The following UBA5 variants were observed in gnomAD, a reference collection of about 807,000 sequenced individuals.
UBA5 encodes ubiquitin like modifier activating enzyme 5, also known as ubiquitin-like modifier-activating enzyme 5.
In UBA5, 28 loss-of-function variants were observed where a neutral mutation model predicts 52.9. The observed-to-expected ratio is 0.53, with a 90% CI of 0.39 to 0.73. The LOEUF (loss-of-function observed/expected upper bound fraction) is 0.73, where lower values mean the gene tolerates loss of function less well. Among genes scored for constraint, UBA5 ranks in the 30% least tolerant of loss-of-function variants. The probability of loss-of-function intolerance (pLI) is 0.00; values close to 1 mark genes in which losing one functional copy is unlikely to be tolerated. For missense variants in UBA5, 388 were observed against 492.7 expected, an observed-to-expected ratio of 0.79 and a Z score of 2.01; for synonymous variants, 135 against 162.1, an observed-to-expected ratio of 0.83 and a Z score of 1.27.
At chr3:132,664,378 GAA>G (rs1185461087) in intron 1 of UBA5, among the ~76,000 whole-genome samples, 1 of 152,172 alleles carries the variant, frequency 6.6e-6, no homozygotes, top group Non-Finnish European at 1.5e-5. Context: ...TTTTTATAAA[GAA>G]TATAATTTTG....
chr3:132,673,232 C>T (rs1049519464), intron 8 of UBA5, among the ~76,000 whole-genome samples: 5 of 152,126 alleles, frequency 3.3e-5, no homozygotes, highest in Non-Finnish European at 5.9e-5. Flanking sequence ...AAGGATGTGT[C>T]CTATTTAGCT....
In UBA5 at chr3:132,660,774, C is replaced by T. The variant is rs1938118061; in HGVS notation, c.161+76C>T. 7 of 1,453,564 alleles carry T rather than the reference C, an allele frequency of 4.8e-6. No individual in the cohort carries two copies. The highest frequency in any genetic ancestry group is 5.5e-6 in the Non-Finnish European group (6 of 1,100,092). 90.0% of individuals were successfully genotyped at this position (1,453,564 alleles called of 1,614,324 possible). On this transcript the variant is annotated intron_variant, in intron 1 of 11. Coordinates refer to ENST00000356232, the MANE Select transcript of UBA5 (RefSeq NM_024818.6). The surrounding 1 kb of genome is among the most constrained non-coding windows in gnomAD (Gnocchi z 4.1). Reference sequence around the variant, plus strand: ...CGTGAGGTCAGAAGTGAGGCGCTTCCCACGTCCCGCTCATGGGGACGCCCG... The same window carrying T: ...CGTGAGGTCAGAAGTGAGGCGCTTCTCACGTCCCGCTCATGGGGACGCCCG...
upstream of UBA5, chr3:132,659,533 C>A (rs1576634448): frequency 2.5e-6 from 4 of 1,599,140 alleles, no homozygotes; most frequent in Non-Finnish European, 3.4e-6. Context: ...AGGAAACCAC[C>A]CAGGGCCAAA....
Position 132,679,742 on chromosome 3 carries a change from G to T in UBA5, c.*3216G>T, listed in dbSNP as rs7340563. ...ACACATTACTTGCTATGTATTAAAT[G>T]ACTTGTACCACTAAATAATCAAATT... On this transcript the variant is annotated 3_prime_UTR_variant, in exon 12 of 12. Coordinates refer to ENST00000356232, the MANE Select transcript of UBA5 (RefSeq NM_024818.6). Among the ~76,000 whole-genome samples, 61,092 of 151,944 alleles carry T rather than the reference G, an allele frequency of 0.4. 14,839 individuals carry two copies. The highest frequency in any genetic ancestry group is 0.76 in the East Asian group (3,917 of 5,172).
intron 1 of UBA5, 72 bp from the exon 2 acceptor site, chr3:132,665,750 TG>T: frequency 7.3e-7 from 1 of 1,365,460 alleles, no homozygotes; most frequent in Non-Finnish European, 1.0e-6. Flanking sequence ...TTTTCTGTGA[TG>T]ATGTATGTCT....
At position 132,673,801 on chromosome 3, in the gene UBA5, A is replaced by C. The variant is rs140554254; in HGVS notation, c.813-1447A>C. Among the ~76,000 whole-genome samples, 182 of 152,086 alleles carry C rather than the reference A, an allele frequency of 1.2e-3. 1 individual carries two copies. The highest frequency in any genetic ancestry group is 3.8e-3 in the African/African-American group (156 of 41,472). On this transcript the variant is annotated intron_variant, in intron 8 of 11. Coordinates refer to ENST00000356232, the MANE Select transcript of UBA5 (RefSeq NM_024818.6). ...TACCTCAGCCTCCCAGGTAGCTGTG[A>C]CTACAAGCACCCACCACCACGCCCA...
At chr3:132,670,919 T>C (rs781315472) in intron 5 of UBA5, 46 bp from the exon 6 acceptor site, 5 of 1,339,752 alleles carry the variant, frequency 3.7e-6, no homozygotes, top group Non-Finnish European at 5.4e-6. Flanking sequence ...TGTATTAGAG[T>C]GTATTTTGTG....
At chr3:132,673,925 A>G (rs1197187092) in intron 8 of UBA5, among the ~76,000 whole-genome samples, 1 of 152,126 alleles carries the variant, frequency 6.6e-6, no homozygotes. Flanking sequence ...TCGACCTTCT[A>G]AAGTGCTAGG....
chr3:132,664,874 A>G (rs531832086), intron 1 of UBA5, among the ~76,000 whole-genome samples: 1 of 152,304 alleles, frequency 6.6e-6, no homozygotes, highest in East Asian at 1.9e-4. Flanking sequence ...CCTCATGAAT[A>G]TGAATGTATC....
At position 132,660,404 on chromosome 3, in the gene UBA5, C is replaced by T; in HGVS notation, c.-134C>T. The T allele has an allele frequency of 8.4e-7, 1 of 1,185,164 alleles. No homozygotes were observed. The highest frequency in any genetic ancestry group is 1.5e-5 in the South Asian group (1 of 68,408). The allele number at this position is 1,185,164 out of a possible 1,614,324, so 73.4% of individuals were successfully genotyped here. On this transcript the variant is annotated 5_prime_UTR_variant, in exon 1 of 12. Transcript: ENST00000356232. This position sits in a 1 kb window ranked among gnomAD's most constrained non-coding sequence, Gnocchi z 4.1. ...TGTCTGTGAGGCGCTGGGTGCACGT[C>T]CCCAGGGCTCTGGGCTAGGAAGGCA... is the stretch of plus-strand genomic sequence containing the variant.
At chr3:132,674,166 G>T (rs144717038) in intron 8 of UBA5, among the ~76,000 whole-genome samples, 84 of 152,174 alleles carry the variant, frequency 5.5e-4, no homozygotes, top group African/African-American at 1.9e-3. Flanking sequence ...CTTTTTATTT[G>T]TGAAAAAGGT....
At chr3:132,667,562 A>G (rs1051743224) in intron 3 of UBA5, 1 of 152,230 alleles carries the variant, frequency 6.6e-6, no homozygotes, top group African/African-American at 2.4e-5. Flanking sequence ...TACGAAGTGA[A>G]TTAATGAGGT....
intron 5 of UBA5, 60 bp from the exon 6 acceptor site, chr3:132,670,905 A>C: frequency 8.4e-7 from 1 of 1,191,780 alleles, no homozygotes; most frequent in Non-Finnish European, 1.3e-6. Flanking sequence ...ACAAGTAAGT[A>C]TAATGTATTA....
At chr3:132,675,416 T>A (rs1442841308) in intron 9 of UBA5, 33 bp downstream of exon 9, 1 of 1,607,598 alleles carries the variant, frequency 6.2e-7, no homozygotes, top group South Asian at 1.1e-5. Flanking sequence ...GCATGAGGGA[T>A]CATATTGAAT....
chr3:132,675,588 C>T lies in UBA5; in HGVS notation c.949-17C>T. 6.2e-7 allele frequency: 1 copy of T among 1,603,528 alleles called. No individual in the cohort carries two copies. The highest frequency in any genetic ancestry group is 8.5e-7 in the Non-Finnish European group (1 of 1,174,302). On this transcript the variant is annotated splice_polypyrimidine_tract_variant and intron_variant, in intron 9 of 11. Coordinates refer to ENST00000356232, the MANE Select transcript of UBA5 (RefSeq NM_024818.6). The stretch of plus-strand genomic sequence containing the variant: ...GAGAATGAGTAAGAACACTTTGATG[C>T]TGTTTGATTTCTACAGAAAAAGGTA...
At chr3:132,675,582 T>C (rs774231185) in intron 9 of UBA5, 23 bp from the exon 10 acceptor site, 3 of 1,601,372 alleles carry the variant, frequency 1.9e-6, no homozygotes, top group Middle Eastern at 1.7e-4. Context: ...TAAGAACACT[T>C]TGATGCTGTT....
chr3:132,672,560 C>T (rs1374873027), intron 8 of UBA5, among the ~76,000 whole-genome samples: 1 of 152,060 alleles, frequency 6.6e-6, no homozygotes. Flanking sequence ...TGGATGGAGA[C>T]TTAAACACAC....
intron 3 of UBA5, 24 bp downstream of exon 3, chr3:132,666,097 T>A: frequency 6.2e-7 from 1 of 1,600,852 alleles, no homozygotes; most frequent in Non-Finnish European, 8.6e-7. Flanking sequence ...TCTTTGCCTG[T>A]CATATAGGGA....
chr3:132,674,457 G>A (rs1032130309), intron 8 of UBA5, among the ~76,000 whole-genome samples: 7 of 152,212 alleles, frequency 4.6e-5, no homozygotes, highest in Non-Finnish European at 7.3e-5. Context: ...GGAGGCCAAG[G>A]CAGGCGGATT....
Sources: gnomAD v4.1 joint callset for allele counts (sites outside exome capture counted in the v4.1 genomes callset) on GRCh38, gnomAD v4.1.1 for gene constraint, Gnocchi (gnomAD v3.1) non-coding constraint, MANE v1.5 for transcripts, NCBI Gene and HGNC (gene_info 2026-07-23, HGNC 2026-07-21) for gene names.